Variants in MYH10 observed in about 807,000 individuals in gnomAD.
MYH10 encodes myosin-10.
A neutral mutation model predicts 257.8 loss-of-function variants in MYH10; 55 were observed. The ratio of observed to expected loss-of-function variants is 0.21; its 90% CI spans 0.17 to 0.27. The LOEUF is 0.27. MYH10 is among the 10% of genes least tolerant of loss of function. The probability of loss-of-function intolerance (pLI) is 1.00; values close to 1 mark genes in which losing one functional copy is unlikely to be tolerated. For missense variants in MYH10, 1,631 were observed against 2,500.6 expected (o/e 0.65, Z 7.42); for synonymous variants, 854 against 921.7 (o/e 0.93, Z 1.33).
At chr17:8,540,333 G>GA (rs2082259707) in intron 14 of MYH10, among the ~76,000 whole-genome samples, 4 of 151,852 alleles carry the variant, frequency 2.6e-5, no homozygotes, top group Non-Finnish European at 5.9e-5. Context: ...TGGTTATTAG[G>GA]GTTGAAATGT....
intron 6 of MYH10, among the ~76,000 whole-genome samples, chr17:8,575,343 C>T (rs1360809406): frequency 1.3e-5 from 2 of 152,158 alleles, no homozygotes; most frequent in African/African-American, 2.4e-5. Flanking sequence ...ATTTCAATAG[C>T]GACACAAGTA....
At chr17:8,496,474 T>TAGCTTCTTTGAGCCTC (rs1197817845) in intron 30 of MYH10, among the ~76,000 whole-genome samples, 2 of 152,298 alleles carry the variant, frequency 1.3e-5, no homozygotes, top group East Asian at 1.9e-4. Flanking sequence ...GCAAGAGCCT[T>TAGCTTCTTTGAGCCTC]AGCTTCTTTG....
intron 4 of MYH10, among the ~76,000 whole-genome samples, chr17:8,583,811 T>C (rs961079180): frequency 1.3e-5 from 2 of 152,226 alleles, no homozygotes; most frequent in Non-Finnish European, 2.9e-5. Flanking sequence ...CACATCTTAA[T>C]AGGCCATTGT....
chr17:8,519,032 G>A, intron 19 of MYH10, 82 bp from the exon 20 acceptor site: 1 of 1,086,084 alleles, frequency 9.2e-7, no homozygotes, highest in Non-Finnish European at 1.4e-6. Context: ...TGCTCTAAGA[G>A]GCAATAAAAT....
At chr17:8,516,619 G>C (rs2081475637) in intron 21 of MYH10, among the ~76,000 whole-genome samples, 1 of 152,162 alleles carries the variant, frequency 6.6e-6, no homozygotes, top group South Asian at 2.1e-4. Context: ...CAATGAAAAA[G>C]CTGCACAAAG....
At chr17:8,518,816 T>C (rs761700501) in intron 20 of MYH10, 25 bp from the exon 21 acceptor site, 1 of 1,602,066 alleles carries the variant, frequency 6.2e-7, no homozygotes, top group Non-Finnish European at 8.5e-7. Context: ...GTTTATTTAC[T>C]TTTTTTAACT....
intron 14 of MYH10, among the ~76,000 whole-genome samples, chr17:8,538,342 A>G (rs924484133): frequency 6.6e-6 from 1 of 152,076 alleles, no homozygotes; most frequent in Non-Finnish European, 1.5e-5. Context: ...AGTAGCTGGG[A>G]TTACAGACAA....
chr17:8,561,254 G>A, intron 7 of MYH10: 1 of 936,490 alleles, frequency 1.1e-6, no homozygotes, highest in Non-Finnish European at 1.7e-6. Context: ...AAGGAACAAA[G>A]GTCGTGCTGA....
chr17:8,624,145 G>A (rs993415754), intron 1 of MYH10, among the ~76,000 whole-genome samples: 26 of 152,184 alleles, frequency 1.7e-4, no homozygotes, highest in African/African-American at 6.0e-4. Context: ...TACTGGTTCT[G>A]TGACATTTAC....
intron 2 of MYH10, among the ~76,000 whole-genome samples, chr17:8,614,307 C>CTAT (rs2085162231): frequency 1.3e-5 from 1 of 77,122 alleles, no homozygotes; most frequent in African/African-American, 5.6e-5. Context: ...CAATTCACTT[C>CTAT]TTTTTTTTTT....
At chr17:8,508,393 G>T (rs545666430) in intron 26 of MYH10, among the ~76,000 whole-genome samples, 161 bp downstream of exon 26, 1 of 152,236 alleles carries the variant, frequency 6.6e-6, no homozygotes, top group Admixed American at 6.5e-5. Context: ...CTGAGACACC[G>T]TGCCCAGCCA....
rs1913477110 is a variant in MYH10 at position 8,480,282 on chromosome 17, T to C, written c.5425A>G (p.Ser1809Gly). 4 of 1,614,024 alleles carry C rather than the reference T, an allele frequency of 2.5e-6. No homozygotes were observed. The highest frequency in any genetic ancestry group is 3.4e-6 in the Non-Finnish European group (4 of 1,180,034). The change falls in exon 40 of 43, where the codon AGC (serine) becomes GGC (glycine). Residue 1809 changes from serine (S) to glycine (G), a missense_variant. Coordinates refer to ENST00000360416, the MANE Select transcript of MYH10 (RefSeq NM_001256012.3). ...TLNAELAAER[S>G]AAQKSDNARQ... ...GCATTGTCACTCTTCTGGGCGGCGC[T>C]GCGCTCGGCTGCTAGCTCGGCGTTC...
At chr17:8,626,496 G>A (rs897898530) in intron 1 of MYH10, among the ~76,000 whole-genome samples, 4 of 151,648 alleles carry the variant, frequency 2.6e-5, no homozygotes, top group Admixed American at 6.6e-5. Context: ...GAGCCCAGGA[G>A]GCAGAGGTTG....
rs1160183408 is a variant in MYH10, at chr17:8,511,046, A to G, written c.2953-1097T>C. 3 of 8,420 alleles carry G rather than the reference A, an allele frequency of 3.6e-4. No homozygotes were observed. In the Admixed American group the frequency reaches 7.2e-3, roughly 20 times the overall value. The allele number at this position is 8,420 out of a possible 1,614,324, so 0.5% of individuals were successfully genotyped here. A position where few individuals can be genotyped will look rare whatever the true frequency, so the allele number is the denominator to read the frequency against. ...TATATATATATATATATATATATATATATATATATATATACACACATACAT... is the reference window on the plus strand; with the variant it reads ...TATATATATATATATATATATATATGTATATATATATATACACACATACAT... On this transcript the variant is annotated intron_variant, in intron 24 of 42. Transcript: ENST00000360416.
intron 2 of MYH10, among the ~76,000 whole-genome samples, chr17:8,608,937 C>G (rs1015724568): frequency 1.1e-4 from 16 of 152,218 alleles, no homozygotes; most frequent in African/African-American, 3.4e-4. Flanking sequence ...CAGCCTTCCG[C>G]GTAGCTGGGA....
At chr17:8,480,613 C>CT in intron 38 of MYH10, 88 bp from the exon 39 acceptor site, 1 of 1,546,284 alleles carries the variant, frequency 6.5e-7, no homozygotes, top group Non-Finnish European at 8.7e-7. Context: ...CACCCTGTTG[C>CT]TGGAAACCTG....
chr17:8,630,064 G>C (rs1201880318), intron 1 of MYH10, among the ~76,000 whole-genome samples: 1 of 151,970 alleles, frequency 6.6e-6, no homozygotes, highest in Admixed American at 6.5e-5. Context: ...TGCTGCGGGG[G>C]ACCGGTCGCG....
intron 21 of MYH10, among the ~76,000 whole-genome samples, chr17:8,516,904 T>A (rs1203705165): frequency 6.6e-6 from 1 of 152,090 alleles, no homozygotes; most frequent in African/African-American, 2.4e-5. Context: ...TTTGGGAGGC[T>A]GAGGCGGGTG....
intron 21 of MYH10, 47 bp from the exon 22 acceptor site, chr17:8,513,941 G>C (rs910625529): frequency 6.6e-7 from 1 of 1,510,774 alleles, no homozygotes; most frequent in African/African-American, 1.4e-5. Flanking sequence ...AAAAGTGCTT[G>C]AATGGCTGTT....
Sources: allele counts gnomAD v4.1 joint callset (sites outside exome capture counted in the v4.1 genomes callset), GRCh38; gene constraint gnomAD v4.1.1; transcripts MANE v1.5; gene names NCBI Gene and HGNC (gene_info 2026-07-23, HGNC 2026-07-21).